Variants in RREB1 observed in about 807,000 individuals in gnomAD.
RREB1 encodes ras-responsive element-binding protein 1.
RREB1 carries 27 observed loss-of-function variants against 117.8 expected under a neutral mutation model. The ratio of observed to expected loss-of-function variants is 0.23; its 90% confidence interval spans 0.17 to 0.32. The LOEUF is 0.32. Ranked by LOEUF, RREB1 falls within the 10% of genes least tolerant of loss-of-function variation. RREB1 has a pLI of 1.00. For missense variants in RREB1, 2,577 were observed against 2,378.2 expected, an observed-to-expected ratio of 1.08 and a Z score of -1.74; for synonymous variants, 1,298 against 1,026.7, an observed-to-expected ratio of 1.26 and a Z score of -5.05.
In RREB1 at chr6:7,125,799, G is replaced by T. The variant is rs115133376; in HGVS notation, c.-285+17739G>T. Among the ~76,000 whole-genome samples, 961 of 152,142 alleles carry T rather than the reference G, an allele frequency of 6.3e-3. 16 individuals carry two copies. Among genetic ancestry groups the T allele is most frequent in the African/African-American group, 0.022 (922 of 41,500 alleles). On this transcript the variant is annotated intron_variant, in intron 1 of 12. Transcript: ENST00000379938. ...TTTTACTTTTCAAGCAGGAAGAGCC[G>T]TGTGGACTGGAGGGCAATGAGAGGA... is the stretch of plus-strand genomic sequence containing the variant.
At chr6:7,186,386 C>G (rs1765082628) in intron 4 of RREB1, among the ~76,000 whole-genome samples, 1 of 152,180 alleles carries the variant, frequency 6.6e-6, no homozygotes, top group African/African-American at 2.4e-5. Flanking sequence ...GTTCTACTCC[C>G]CCAACCCCAG....
intron 6 of RREB1, among the ~76,000 whole-genome samples, chr6:7,200,828 T>C (rs1765934300): frequency 6.6e-6 from 1 of 152,268 alleles, no homozygotes; most frequent in African/African-American, 2.4e-5. Context: ...GCCAACTGGA[T>C]GCTAATATTT....
chr6:7,217,937 G>A (rs1409226281), intron 8 of RREB1: 1 of 152,154 alleles, frequency 6.6e-6, no homozygotes, highest in African/African-American at 2.4e-5. Context: ...ATAAACAGCT[G>A]TTTTTATCTA....
rs191202580 is a variant in RREB1, at chr6:7,209,196, C to T, written c.426-1608C>T. 2.8e-3 allele frequency among the ~76,000 whole-genome samples: 420 copies of T among 152,218 alleles called. 2 individuals are homozygous for T. The highest frequency in any genetic ancestry group is 4.7e-3 in the Non-Finnish European group (317 of 68,016). ...TTGAAATGGGCTCATGAACTGTTTA[C>T]AGTTGTCAACCTCTAATTTTTAATA... On this transcript the variant is annotated intron_variant, in intron 6 of 12. Transcript: ENST00000379938.
chr6:7,108,871 C>A (rs1760982879), intron 1 of RREB1, among the ~76,000 whole-genome samples: 1 of 151,398 alleles, frequency 6.6e-6, no homozygotes, highest in African/African-American at 2.4e-5. Context: ...TCCCGGCTGG[C>A]GGTCGTGGTC....
chr6:7,243,990 GGTGGCGCATGCCT>G (rs1768866826), intron 11 of RREB1, among the ~76,000 whole-genome samples: 1 of 152,142 alleles, frequency 6.6e-6, no homozygotes, highest in South Asian at 2.1e-4. Flanking sequence ...AGTCGGGCGT[GGTGGCGCATGCCT>G]GTAATCCTAG....
intron 6 of RREB1, among the ~76,000 whole-genome samples, chr6:7,203,538 G>A (rs1430639599): frequency 6.6e-6 from 1 of 152,186 alleles, no homozygotes; most frequent in East Asian, 1.9e-4. Context: ...GGTCCAGCCT[G>A]GAGAACCATG....
intron 1 of RREB1, among the ~76,000 whole-genome samples, chr6:7,150,435 G>C (rs1368488813): frequency 6.6e-6 from 1 of 152,148 alleles, no homozygotes; most frequent in Non-Finnish European, 1.5e-5. Context: ...TTCTCCATAA[G>C]AGAAATTGTT....
rs763144707 is a variant in RREB1, at chr6:7,230,466, C to G, written c.2367C>G (p.Pro789=). The change falls in exon 10 of 13, where the codon CCC becomes CCG. Residue 789 remains proline, a synonymous_variant. Transcript: ENST00000379938. ...GLGGGHKGRK[P]FECKECSAAF... ...GCGGGGGCCACAAGGGCCGCAAGCC[C>G]TTCGAGTGCAAGGAGTGCAGCGCCG... is the stretch of plus-strand genomic sequence containing the variant. The G allele has an allele frequency of 6.3e-7, 1 of 1,594,548 alleles. No individual in the cohort carries two copies.
intron 1 of RREB1, among the ~76,000 whole-genome samples, chr6:7,166,171 T>A (rs1229995493): frequency 1.3e-5 from 2 of 151,544 alleles, no homozygotes; most frequent in African/African-American, 4.8e-5. Context: ...CACCCCCAAC[T>A]GCCAGCCCCT....
At chr6:7,126,312 C>T (rs1050388600) in intron 1 of RREB1, among the ~76,000 whole-genome samples, 5 of 148,206 alleles carry the variant, frequency 3.4e-5, no homozygotes, top group Non-Finnish European at 7.4e-5. Context: ...GATTCCCCCC[C>T]GACCCATTCT....
chr6:7,200,653 T>C (rs1179922635), intron 6 of RREB1, among the ~76,000 whole-genome samples: 1 of 152,270 alleles, frequency 6.6e-6, no homozygotes, highest in African/African-American at 2.4e-5. Context: ...TGAATTGAAT[T>C]GACCAAGTTC....
intron 1 of RREB1, among the ~76,000 whole-genome samples, chr6:7,162,336 A>G (rs142042864): frequency 1.3e-5 from 2 of 151,598 alleles, no homozygotes; most frequent in African/African-American, 4.8e-5. Flanking sequence ...CTTTTTCTGC[A>G]CACTGTGTTA....
At chr6:7,209,192 T>A (rs1766440780) in intron 6 of RREB1, among the ~76,000 whole-genome samples, 1 of 152,176 alleles carries the variant, frequency 6.6e-6, no homozygotes, top group Non-Finnish European at 1.5e-5. Context: ...TCATGAACTG[T>A]TTACAGTTGT....
At position 7,231,631 on chromosome 6, in the gene RREB1, T is replaced by C. The variant is rs764741156; in HGVS notation, c.3532T>C (p.Phe1178Leu). ...GGTGGACCTGGACTCCAGCGGGGAG[T>C]TTGCCAGCATCGAGAAGATGCTGGC... Reference protein sequence around the residue: ...GGVDLDSSGEFASIEKMLATT... With the variant: ...GGVDLDSSGELASIEKMLATT... Residue 1178 changes from phenylalanine to leucine, a missense_variant, in exon 10 of 13, where the codon TTT becomes CTT. Transcript: ENST00000379938. 3.1e-6 allele frequency: 5 copies of C among 1,611,248 alleles called. No homozygotes were observed. In the South Asian group the frequency reaches 4.4e-5, roughly 14 times the overall value.
In RREB1 at chr6:7,231,286, C is replaced by T. The variant is rs763496323; in HGVS notation, c.3187C>T (p.Pro1063Ser). The change falls in exon 10 of 13, where the codon CCC becomes TCC. Residue 1063 changes from proline to serine, a missense_variant. Pro to Ser is a moderately conservative substitution (Grantham distance 74). Coordinates refer to ENST00000379938, the MANE Select transcript of RREB1 (RefSeq NM_001003699.4). ...AAAGCCCCCCGTGACAGAAGAGCTG[C>T]CCCCGCTGGCCTCCATTGCCCAGAT... ...LPKPPVTEELPPLASIAQIIS... is the reference protein window; with the variant it reads ...LPKPPVTEELSPLASIAQIIS... The T allele has an allele frequency of 1.2e-6, 2 of 1,608,278 alleles. No individual in the cohort carries two copies. The highest frequency in any genetic ancestry group is 1.7e-6 in the Non-Finnish European group (2 of 1,176,758).
intron 6 of RREB1, among the ~76,000 whole-genome samples, chr6:7,204,013 C>G (rs1007882037): frequency 6.6e-6 from 1 of 152,306 alleles, no homozygotes; most frequent in South Asian, 2.1e-4. Context: ...GAGCATCCTG[C>G]GAGCCCTGGG....
intron 1 of RREB1, among the ~76,000 whole-genome samples, chr6:7,110,188 G>GGGGAAAAGAGAACTGCC (rs1554114002): frequency 2.0e-5 from 3 of 152,126 alleles, no homozygotes; most frequent in Non-Finnish European, 4.4e-5. Flanking sequence ...AGTGGAAGGT[G>GGGGAAAAGAGAACTGCC]GGGAAAAGAG....
At position 7,181,953 on chromosome 6, in the gene RREB1, A is replaced by G. The variant is rs771143217; in HGVS notation, c.42A>G (p.Leu14=). Reference sequence around the variant, plus strand: ...CCGCTGGCTTGGAAGGTTCAGACCTATCTTCCATCAACACCATGATGTCGG... The same window carrying G: ...CCGCTGGCTTGGAAGGTTCAGACCTGTCTTCCATCAACACCATGATGTCGG... ...SSPAGLEGSD[L]SSINTMMSAV... Residue 14 remains leucine (L), a synonymous_variant, in exon 4 of 13, where the codon CTA becomes CTG. Coordinates refer to ENST00000379938, the MANE Select transcript of RREB1 (RefSeq NM_001003699.4). 6 of 1,614,112 alleles carry G rather than the reference A, an allele frequency of 3.7e-6. No individual in the cohort carries two copies. The highest frequency in any genetic ancestry group is 2.2e-5 in the South Asian group (2 of 91,092).
Sources: gnomAD v4.1 joint callset for allele counts (sites outside exome capture counted in the v4.1 genomes callset) on GRCh38, gnomAD v4.1.1 for gene constraint, MANE v1.5 for transcripts, NCBI Gene and HGNC (gene_info 2026-07-23, HGNC 2026-07-21) for gene names.